The following SRBD1 variants were observed in gnomAD, a reference collection of about 807,000 sequenced individuals.
SRBD1 encodes the protein S1 RNA-binding domain-containing protein 1.
In SRBD1, 88 loss-of-function variants were observed where a neutral mutation model predicts 115.3. That is an observed-to-expected ratio of 0.76 (90% CI 0.64 to 0.91). The LOEUF (loss-of-function observed/expected upper bound fraction) is 0.91. SRBD1 is among the 40% of genes least tolerant of loss of function. The pLI is 0.00. For synonymous variants in SRBD1, 509 were observed against 407.7 expected, an observed-to-expected ratio of 1.25 and a Z score of -2.99; for missense variants, 1,385 against 1,177.4, an observed-to-expected ratio of 1.18 and a Z score of -2.58.
intron 16 of SRBD1, among the ~76,000 whole-genome samples, chr2:45,456,221 A>G (rs1243652524): frequency 6.6e-6 from 1 of 151,888 alleles, no homozygotes; most frequent in Non-Finnish European, 1.5e-5. Flanking sequence ...AGTATTAAAC[A>G]GGAAAGAATG....
intron 16 of SRBD1, among the ~76,000 whole-genome samples, chr2:45,462,228 C>G (rs1669338753): frequency 6.6e-6 from 1 of 152,094 alleles, no homozygotes; most frequent in Non-Finnish European, 1.5e-5. Context: ...ACCTCATTTC[C>G]TTCATCACCA....
intron 11 of SRBD1, among the ~76,000 whole-genome samples, chr2:45,552,650 C>T (rs1006312031): frequency 6.6e-6 from 1 of 152,024 alleles, no homozygotes; most frequent in Non-Finnish European, 1.5e-5. Flanking sequence ...AAGTGTATGC[C>T]CTAGCTCTCA....
intron 5 of SRBD1, among the ~76,000 whole-genome samples, chr2:45,582,327 A>C (rs1478319320): frequency 6.6e-6 from 1 of 152,212 alleles, no homozygotes; most frequent in Non-Finnish European, 1.5e-5. Context: ...CATCTTTGGC[A>C]GAAATATCAT....
At chr2:45,565,658 A>G (rs535303248) in intron 9 of SRBD1, among the ~76,000 whole-genome samples, 1 of 152,266 alleles carries the variant, frequency 6.6e-6, no homozygotes, top group Non-Finnish European at 1.5e-5. Flanking sequence ...CTCAAAGAAT[A>G]GTATCAAGAA....
At chr2:45,547,882 T>G (rs7558188) in intron 12 of SRBD1, among the ~76,000 whole-genome samples, 78,709 of 151,974 alleles carry the variant, frequency 0.52, 20,826 homozygotes, top group African/African-American at 0.55. Context: ...TTCACTAACA[T>G]CTAACATTAA....
At chr2:45,545,190 G>A (rs1311547889) in intron 14 of SRBD1, among the ~76,000 whole-genome samples, 2 of 148,886 alleles carry the variant, frequency 1.3e-5, no homozygotes, top group Non-Finnish European at 3.0e-5. Flanking sequence ...TGAGGCAGGA[G>A]AGTGGCATGA....
chr2:45,579,948 T>C lies in SRBD1; in HGVS notation c.999A>G (p.Glu333=), dbSNP rs1363310951. The part of the protein sequence containing the change: ...KAQRARQLGL[E]GAARALLEKP... ...TCTCAAGCAGTGCCCTGGCTGCTCC[T>C]TCTAAGCCCAACTGTCTTGCTCTCT... Residue 333 remains glutamate, a synonymous_variant, in exon 7 of 21, where the codon GAA becomes GAG. Coordinates refer to ENST00000263736, the MANE Select transcript of SRBD1 (RefSeq NM_018079.5). 3 of 1,609,934 alleles carry C rather than the reference T, an allele frequency of 1.9e-6. No individual in the cohort carries two copies. Among genetic ancestry groups the C allele is most frequent in the South Asian group, 1.1e-5 (1 of 90,596 alleles).
chr2:45,586,778 C>T (rs1213509056), intron 4 of SRBD1, among the ~76,000 whole-genome samples: 2 of 150,904 alleles, frequency 1.3e-5, no homozygotes, highest in Admixed American at 1.3e-4. Context: ...AATACCTGGG[C>T]CCAAGCAATC....
intron 14 of SRBD1, among the ~76,000 whole-genome samples, 183 bp downstream of exon 14, chr2:45,546,549 G>C (rs1672124880): frequency 6.6e-6 from 1 of 152,164 alleles, no homozygotes; most frequent in Admixed American, 6.5e-5. Flanking sequence ...AATCATTCCT[G>C]TCTCAAATTT....
intron 14 of SRBD1, among the ~76,000 whole-genome samples, chr2:45,520,785 C>T (rs1671259187): frequency 1.3e-5 from 2 of 152,106 alleles, no homozygotes; most frequent in Admixed American, 1.3e-4. Context: ...GATCATCTTC[C>T]CACTATATCC....
intron 9 of SRBD1, among the ~76,000 whole-genome samples, chr2:45,570,552 C>A (rs150560450): frequency 6.6e-6 from 1 of 152,106 alleles, no homozygotes; most frequent in Non-Finnish European, 1.5e-5. Flanking sequence ...CATCCCTCCA[C>A]AAAGGTAACT....
In SRBD1 at chr2:45,558,380, T is replaced by G. The variant is rs183043075; in HGVS notation, c.1409+4273A>C. Among the ~76,000 whole-genome samples, 25 of 152,324 alleles carry G rather than the reference T, an allele frequency of 1.6e-4. No homozygotes were observed. The East Asian group carries it at 4.4e-3, about 27-fold the overall frequency. On this transcript the variant is annotated intron_variant, in intron 10 of 20. Coordinates refer to ENST00000263736, the MANE Select transcript of SRBD1 (RefSeq NM_018079.5). ...AGAGAGCAAATGCAGAAACTTAAATTACTGAGGTTCTCACAAACACAGCAA... is the reference window on the plus strand; with the variant it reads ...AGAGAGCAAATGCAGAAACTTAAATGACTGAGGTTCTCACAAACACAGCAA...
At chr2:45,518,817 C>T (rs146986688) in intron 14 of SRBD1, among the ~76,000 whole-genome samples, 13 of 151,996 alleles carry the variant, frequency 8.6e-5, no homozygotes, top group African/African-American at 1.9e-4. Flanking sequence ...GTTTTGTTTA[C>T]GTTAATGAGG....
intron 12 of SRBD1, among the ~76,000 whole-genome samples, chr2:45,547,897 A>C (rs1672172403): frequency 6.6e-6 from 1 of 152,242 alleles, no homozygotes; most frequent in South Asian, 2.1e-4. Flanking sequence ...CATTAATAGT[A>C]GCAAAAGCAA....
intron 14 of SRBD1, among the ~76,000 whole-genome samples, chr2:45,508,696 G>A (rs1670870161): frequency 6.6e-6 from 1 of 152,080 alleles, no homozygotes; most frequent in South Asian, 2.1e-4. Flanking sequence ...ATGCTATGTT[G>A]ACTTAACTTT....
chr2:45,554,480 T>C (rs866572826), intron 10 of SRBD1, among the ~76,000 whole-genome samples: 74 of 152,342 alleles, frequency 4.9e-4, no homozygotes, highest in African/African-American at 1.8e-3. Flanking sequence ...GCAGAAACTC[T>C]GTTTCAACCC....
intron 2 of SRBD1, among the ~76,000 whole-genome samples, chr2:45,604,072 T>A (rs1674185140): frequency 6.6e-6 from 1 of 152,020 alleles, no homozygotes; most frequent in Admixed American, 6.5e-5. Context: ...TCAAAATATA[T>A]CCCAAATTAG....
At chr2:45,601,431 C>G (rs1674089002) in intron 3 of SRBD1, among the ~76,000 whole-genome samples, 1 of 152,116 alleles carries the variant, frequency 6.6e-6, no homozygotes, top group Admixed American at 6.5e-5. Context: ...GTAAAAACAC[C>G]CAAGAGAGAT....
intron 16 of SRBD1, among the ~76,000 whole-genome samples, chr2:45,432,036 T>TATTTATTG (rs1668354926): frequency 6.6e-6 from 1 of 151,502 alleles, no homozygotes; most frequent in African/African-American, 2.4e-5. Context: ...TTTATTTATT[T>TATTTATTG]ATTTATTTAT....
Sources: gnomAD v4.1 joint callset for allele counts (sites outside exome capture counted in the v4.1 genomes callset) on GRCh38, gnomAD v4.1.1 for gene constraint, MANE v1.5 for transcripts, NCBI Gene and HGNC (gene_info 2026-07-23, HGNC 2026-07-21) for gene names.